KCNJ15: variants seen among roughly 807,000 people sequenced by gnomAD.
KCNJ15 encodes ATP-sensitive inward rectifier potassium channel 15.
A neutral mutation model predicts 23.0 loss-of-function variants in KCNJ15; 14 were observed. That is an observed-to-expected ratio of 0.61 (90% CI 0.40 to 0.95). KCNJ15 has a LOEUF of 0.95. KCNJ15 is among the 40% of genes least tolerant of loss of function. The pLI, the probability that KCNJ15 is intolerant of heterozygous loss-of-function variation, is 0.00. For missense variants in KCNJ15, 388 were observed against 461.8 expected, an observed-to-expected ratio of 0.84 and a Z score of 1.46; for synonymous variants, 185 against 183.2, an observed-to-expected ratio of 1.01 and a Z score of -0.08.
intron 1 of KCNJ15, among the ~76,000 whole-genome samples, chr21:38,235,934 A>G (rs1014289781): frequency 2.6e-5 from 4 of 152,240 alleles, no homozygotes; most frequent in African/African-American, 7.2e-5. Flanking sequence ...ATGAGCTTCA[A>G]TTAGAAATGT....
intron 1 of KCNJ15, among the ~76,000 whole-genome samples, chr21:38,234,166 A>G (rs1463998969): frequency 1.3e-5 from 2 of 152,228 alleles, no homozygotes; most frequent in African/African-American, 4.8e-5. Context: ...TGAAAGGTCT[A>G]CACCAAGCTT....
chr21:38,294,505 G>A (rs766529006), intron 1 of KCNJ15, among the ~76,000 whole-genome samples: 9 of 152,040 alleles, frequency 5.9e-5, no homozygotes, highest in Non-Finnish European at 1.0e-4. Context: ...TTTTCTAAGG[G>A]GCCTTTGCTT....
intron 1 of KCNJ15, among the ~76,000 whole-genome samples, chr21:38,284,318 C>G (rs1054173649): frequency 2.6e-5 from 4 of 152,118 alleles, no homozygotes; most frequent in African/African-American, 9.7e-5. Context: ...AGATAGCCTC[C>G]GCCCACCCCA....
At position 38,301,879 on chromosome 21, in the gene KCNJ15, A is replaced by G. The variant is rs1403361598; in HGVS notation, c.*1490A>G. The G allele has an allele frequency of 6.0e-6, 1 of 166,922 alleles. No individual in the cohort carries two copies. The highest frequency in any genetic ancestry group is 2.4e-5 in the African/African-American group (1 of 41,460). 10.3% of individuals were successfully genotyped at this position (166,922 alleles called of 1,614,324 possible). A position where few individuals can be genotyped will look rare whatever the true frequency, so the allele number is the denominator to read the frequency against. On this transcript the variant is annotated 3_prime_UTR_variant, in exon 3 of 3. Transcript: ENST00000398938. ...GACAGATTTGCGCATTCACTCAAGCAGAATGTGGCCATGAATATTCAGCCC... is the reference window on the plus strand; with the variant it reads ...GACAGATTTGCGCATTCACTCAAGCGGAATGTGGCCATGAATATTCAGCCC...
intron 1 of KCNJ15, among the ~76,000 whole-genome samples, chr21:38,232,137 G>T (rs1440083489): frequency 1.4e-5 from 2 of 145,686 alleles, no homozygotes; most frequent in African/African-American, 2.5e-5. Context: ...TTCATTAGAG[G>T]TTTTTTTTTT....
chr21:38,271,596 T>G (rs904230916), intron 1 of KCNJ15, among the ~76,000 whole-genome samples: 1 of 152,214 alleles, frequency 6.6e-6, no homozygotes, highest in Non-Finnish European at 1.5e-5. Flanking sequence ...GCTCTCTCAT[T>G]GCTAATGTGG....
Position 38,306,393 on chromosome 21 carries a change from G to A in KCNJ15, c.*6004G>A, listed in dbSNP as rs1986057525. ...CCTTAAAAAAAAAAAACCATAAGTTGTTGACTCTGAGCTAGGAAATGCGTG... is the reference window on the plus strand; with the variant it reads ...CCTTAAAAAAAAAAAACCATAAGTTATTGACTCTGAGCTAGGAAATGCGTG... On this transcript the variant is annotated 3_prime_UTR_variant, in exon 3 of 3. Coordinates refer to ENST00000398938, the MANE Select transcript of KCNJ15 (RefSeq NM_170736.3). 1 of 150,068 alleles carries A rather than the reference G, an allele frequency of 6.7e-6. No homozygotes were observed. The highest frequency in any genetic ancestry group is 2.1e-4 in the South Asian group (1 of 4,766). The allele number at this position is 150,068 out of a possible 1,614,324, so 9.3% of individuals were successfully genotyped here.
intron 1 of KCNJ15, among the ~76,000 whole-genome samples, chr21:38,283,950 A>T (rs1047307962): frequency 3.3e-5 from 5 of 152,276 alleles, no homozygotes; most frequent in Admixed American, 1.3e-4. Flanking sequence ...ACTCAGGCTC[A>T]GTCTGGGTTG....
intron 1 of KCNJ15, among the ~76,000 whole-genome samples, chr21:38,282,389 G>A (rs910559619): frequency 6.6e-6 from 1 of 152,142 alleles, no homozygotes; most frequent in African/African-American, 2.4e-5. Flanking sequence ...TTTGTTGGAT[G>A]AAATTGAATA....
chr21:38,297,506 A>T (rs1218664287), intron 2 of KCNJ15, among the ~76,000 whole-genome samples: 1 of 152,212 alleles, frequency 6.6e-6, no homozygotes, highest in African/African-American at 2.4e-5. Flanking sequence ...CTTAAAAAAA[A>T]TGCATGCAGT....
chr21:38,250,384 G>A (rs186653889), intron 1 of KCNJ15, among the ~76,000 whole-genome samples: 51 of 152,174 alleles, frequency 3.4e-4, no homozygotes, highest in African/African-American at 7.9e-4. Flanking sequence ...AAATGAGGAC[G>A]TTATAGCCTA....
Position 38,268,550 on chromosome 21 carries a change from G to GAAAAA in KCNJ15, c.-117+11388_-117+11392dup, listed in dbSNP as rs576709021. Among the ~76,000 whole-genome samples, 9 of 47,276 alleles carry GAAAAA rather than the reference G, an allele frequency of 1.9e-4. 1 individual carries two copies. Among genetic ancestry groups the GAAAAA allele is most frequent in the Non-Finnish European group, 3.6e-4 (7 of 19,680 alleles). The allele number at this position is 47,276 out of a possible 152,430, so 31.0% of individuals were successfully genotyped here. A position where few individuals can be genotyped will look rare whatever the true frequency, so the allele number is the denominator to read the frequency against. ...TATCTGACAAGAGTACTTAAAATCT[G>GAAAAA]AAAAAAAAAAAAAAAAAAAAAAAAA... is the stretch of plus-strand genomic sequence containing the variant. On this transcript the variant is annotated intron_variant, in intron 1 of 2. Transcript: ENST00000398938.
At chr21:38,275,560 A>G (rs7279791) in intron 1 of KCNJ15, among the ~76,000 whole-genome samples, 99,239 of 147,480 alleles carry the variant, frequency 0.67, 33,928 homozygotes, top group Non-Finnish European at 0.73. Flanking sequence ...CAAATGGGAA[A>G]CTTTTTTTTG....
chr21:38,268,336 A>G (rs1981678557), intron 1 of KCNJ15, among the ~76,000 whole-genome samples: 2 of 152,108 alleles, frequency 1.3e-5, no homozygotes, highest in African/African-American at 4.8e-5. Context: ...CTGGGACTAT[A>G]TTCTGGTTTT....
At chr21:38,267,888 C>T (rs966351052) in intron 1 of KCNJ15, among the ~76,000 whole-genome samples, 1 of 152,172 alleles carries the variant, frequency 6.6e-6, no homozygotes, top group Non-Finnish European at 1.5e-5. Flanking sequence ...TCAGTTAAAT[C>T]TATCATGACT....
intron 1 of KCNJ15, among the ~76,000 whole-genome samples, chr21:38,236,107 C>A (rs1317967739): frequency 6.6e-6 from 1 of 152,132 alleles, no homozygotes; most frequent in Non-Finnish European, 1.5e-5. Context: ...TATATGGAGG[C>A]CCAGGAGGCT....
chr21:38,295,547 C>A (rs958072296), intron 1 of KCNJ15, among the ~76,000 whole-genome samples: 21 of 147,280 alleles, frequency 1.4e-4, no homozygotes, highest in Non-Finnish European at 7.5e-5. Context: ...GCAAGCTGCA[C>A]TTTTTTTTTT....
chr21:38,258,417 G>A lies in KCNJ15; in HGVS notation c.-117+1232G>A, dbSNP rs531814646. On this transcript the variant is annotated intron_variant, in intron 1 of 2. Coordinates refer to ENST00000398938, the MANE Select transcript of KCNJ15 (RefSeq NM_170736.3). ...CACTTACCTCACACACAGCTTCCCCGGGCGCTGTTCTTTCTTCCCATACCT... is the reference window on the plus strand; with the variant it reads ...CACTTACCTCACACACAGCTTCCCCAGGCGCTGTTCTTTCTTCCCATACCT... Among the ~76,000 whole-genome samples, 4 of 152,262 alleles carry A rather than the reference G, an allele frequency of 2.6e-5. No individual in the cohort carries two copies. The East Asian group carries it at 5.8e-4, about 22-fold the overall frequency.
At position 38,299,341 on chromosome 21, in the gene KCNJ15, C is replaced by T. The variant is rs750006110; in HGVS notation, c.80C>T (p.Pro27Leu). ...TAGAGLKANR[P>L]RVMSKSGHSN... Reference sequence around the variant, plus strand: ...GGGGCTGGGCTCAAGGCCAACAGACCCCGCGTCATGTCCAAGAGTGGGCAC... The same window carrying T: ...GGGGCTGGGCTCAAGGCCAACAGACTCCGCGTCATGTCCAAGAGTGGGCAC... Residue 27 changes from proline (P) to leucine (L), a missense_variant, in exon 3 of 3, where the codon CCC becomes CTC. Pro to Leu is a moderately conservative substitution (Grantham distance 98). Transcript: ENST00000398938. This position sits in a 1 kb window ranked among gnomAD's most constrained non-coding sequence, Gnocchi z 4.5. 5 of 1,614,166 alleles carry T rather than the reference C, an allele frequency of 3.1e-6. No individual in the cohort carries two copies. In the Admixed American group the frequency reaches 5.0e-5, roughly 16 times the overall value.
Sources: gnomAD v4.1 joint callset for allele counts (sites outside exome capture counted in the v4.1 genomes callset) on GRCh38, gnomAD v4.1.1 for gene constraint, Gnocchi (gnomAD v3.1) non-coding constraint, MANE v1.5 for transcripts, NCBI Gene and HGNC (gene_info 2026-07-23, HGNC 2026-07-21) for gene names.